The following CAMTA1 variants were observed in gnomAD, a reference collection of about 807,000 sequenced individuals.
CAMTA1 encodes calmodulin-binding transcription activator 1.
Under a neutral mutation model 170.9 loss-of-function variants are expected in CAMTA1, and 27 were observed. The ratio of observed to expected loss-of-function variants is 0.16; its 90% confidence interval spans 0.12 to 0.22. The LOEUF (loss-of-function observed/expected upper bound fraction) is 0.22, where lower values mean the gene tolerates loss of function less well. CAMTA1 is among the 10% of genes least tolerant of loss of function. The pLI is 1.00. For missense variants in CAMTA1, 1,619 were observed against 2,217.2 expected, an observed-to-expected ratio of 0.73 and a Z score of 5.42; for synonymous variants, 833 against 891.5, an observed-to-expected ratio of 0.93 and a Z score of 1.17.
At position 7,443,807 on chromosome 1, in the gene CAMTA1, C is replaced by T; in HGVS notation, c.439-24023C>T. ...CCCTCTTTTCCATTTATTTGTACCT[C>T]CTGATATCCTGTCCAGGGTCCCAAG... On this transcript the variant is annotated intron_variant, in intron 5 of 22. Coordinates refer to ENST00000303635, the MANE Select transcript of CAMTA1 (RefSeq NM_015215.4). The surrounding 1 kb of genome is among the most constrained non-coding windows in gnomAD (Gnocchi z 4.1). 6.6e-6 allele frequency among the ~76,000 whole-genome samples: 1 copy of T among 151,818 alleles called. No individual in the cohort carries two copies. Among genetic ancestry groups the T allele is most frequent in the Admixed American group, 6.6e-5 (1 of 15,242 alleles).
At chr1:7,003,430 A>C (rs1557955888) in intron 3 of CAMTA1, among the ~76,000 whole-genome samples, 1 of 152,230 alleles carries the variant, frequency 6.6e-6, no homozygotes, top group Non-Finnish European at 1.5e-5. Flanking sequence ...TGGTGGCAGC[A>C]GGGGTGCCAG....
chr1:7,399,805 C>G (rs1187543272), intron 5 of CAMTA1, among the ~76,000 whole-genome samples: 1 of 152,186 alleles, frequency 6.6e-6, no homozygotes, highest in Non-Finnish European at 1.5e-5. Flanking sequence ...ATCCCATTCT[C>G]TCCTGGTCTG....
chr1:7,680,865 C>CAGT lies in CAMTA1; in HGVS notation c.2914+3134_2914+3135insTAG, dbSNP rs1468747055. ...ACACGCGCGCGCGCGCGCGCGCCAG[C>CAGT]AGCAGCAGCAGCAGCAGCTGCTGCG... On this transcript the variant is annotated intron_variant, in intron 11 of 22. Transcript: ENST00000303635. The surrounding 1 kb of genome is among the most constrained non-coding windows in gnomAD (Gnocchi z 4.4). Among the ~76,000 whole-genome samples, 2 of 137,706 alleles carry CAGT rather than the reference C, an allele frequency of 1.5e-5. No homozygotes were observed. Among genetic ancestry groups the CAGT allele is most frequent in the African/African-American group, 2.6e-5 (1 of 38,006 alleles). The allele number at this position is 137,706 out of a possible 152,430, so 90.3% of individuals were successfully genotyped here. A position where few individuals can be genotyped will look rare whatever the true frequency, so the allele number is the denominator to read the frequency against.
intron 5 of CAMTA1, among the ~76,000 whole-genome samples, chr1:7,305,241 A>C (rs530758703): frequency 6.6e-6 from 1 of 151,982 alleles, no homozygotes; most frequent in Non-Finnish European, 1.5e-5. Flanking sequence ...TGATTGCCAC[A>C]CTCTTAATTA....
intron 5 of CAMTA1, among the ~76,000 whole-genome samples, chr1:7,344,748 C>CTTTT (rs70984076): frequency 3.5e-5 from 5 of 142,592 alleles, no homozygotes; most frequent in Non-Finnish European, 3.0e-5. Flanking sequence ...CTGCTCAAGT[C>CTTTT]TTTTTTTTTT....
intron 3 of CAMTA1, among the ~76,000 whole-genome samples, chr1:7,022,638 T>C (rs1701523940): frequency 1.3e-5 from 2 of 152,194 alleles, no homozygotes; most frequent in African/African-American, 2.4e-5. Context: ...CTCCATCTGA[T>C]TGCAGGGTAT....
intron 4 of CAMTA1, among the ~76,000 whole-genome samples, chr1:7,122,818 C>T (rs1285870101): frequency 6.6e-6 from 1 of 152,156 alleles, no homozygotes; most frequent in African/African-American, 2.4e-5. Flanking sequence ...GCCCGAGTCT[C>T]CTCTCTCCCT....
chr1:7,033,174 A>G (rs931098873), intron 3 of CAMTA1, among the ~76,000 whole-genome samples: 8 of 152,184 alleles, frequency 5.3e-5, no homozygotes, highest in Non-Finnish European at 1.5e-5. Flanking sequence ...GAACTTTTAC[A>G]TATATTAGAC....
chr1:7,429,079 C>T (rs906993012), intron 5 of CAMTA1, among the ~76,000 whole-genome samples: 41 of 152,192 alleles, frequency 2.7e-4, no homozygotes, highest in African/African-American at 9.2e-4. Context: ...ACGAAATGCT[C>T]TTCCATTTGA....
At chr1:6,915,272 C>T (rs1011878147) in intron 3 of CAMTA1, among the ~76,000 whole-genome samples, 4 of 152,148 alleles carry the variant, frequency 2.6e-5, no homozygotes, top group Non-Finnish European at 5.9e-5. Flanking sequence ...TTTTTTACTC[C>T]TTTCACTCCA....
At chr1:7,417,927 G>C (rs1367403989) in intron 5 of CAMTA1, among the ~76,000 whole-genome samples, 1 of 152,112 alleles carries the variant, frequency 6.6e-6, no homozygotes, top group Non-Finnish European at 1.5e-5. Context: ...TCCACCTAAA[G>C]CCAGCTTTTC....
intron 1 of CAMTA1, among the ~76,000 whole-genome samples, chr1:6,803,117 C>T (rs1000939967): frequency 3.9e-5 from 6 of 152,156 alleles, no homozygotes; most frequent in African/African-American, 1.2e-4. Context: ...GCGGTCTTTG[C>T]CCTGTGGGTG....
chr1:7,544,428 T>C (rs1490726367), intron 6 of CAMTA1, among the ~76,000 whole-genome samples: 3 of 152,158 alleles, frequency 2.0e-5, no homozygotes, highest in Non-Finnish European at 2.9e-5. Flanking sequence ...TGGGGAAGAC[T>C]CTTTCCCACC....
chr1:7,768,247 G>T lies in CAMTA1; in HGVS notation c.*1756G>T, dbSNP rs2097035508. On this transcript the variant is annotated 3_prime_UTR_variant, in exon 23 of 23. Transcript: ENST00000303635. ...AAAAAAAATGAAAAAGATGCAGACT[G>T]GTCTTTTAGAGACGGCATGGTATAT... 1 of 152,578 alleles carries T rather than the reference G, an allele frequency of 6.6e-6. No homozygotes were observed. Among genetic ancestry groups the T allele is most frequent in the South Asian group, 2.1e-4 (1 of 4,820 alleles). The allele number at this position is 152,578 out of a possible 1,614,324, so 9.5% of individuals were successfully genotyped here. A position where few individuals can be genotyped will look rare whatever the true frequency, so the allele number is the denominator to read the frequency against.
chr1:7,079,447 A>G (rs886170916), intron 3 of CAMTA1, among the ~76,000 whole-genome samples: 2 of 151,800 alleles, frequency 1.3e-5, no homozygotes, highest in African/African-American at 4.9e-5. Flanking sequence ...CAGTATGATC[A>G]GATTTCTTCA....
In CAMTA1 at chr1:6,973,286, C is replaced by T. The variant is rs555509909; in HGVS notation, c.235-118018C>T. On this transcript the variant is annotated intron_variant, in intron 3 of 22. Coordinates refer to ENST00000303635, the MANE Select transcript of CAMTA1 (RefSeq NM_015215.4). Reference sequence around the variant, plus strand: ...TTGAACATCAACTCCCTATTTCCTCCCCCATCTAGCTCCTGACAACCACCA... The same window carrying T: ...TTGAACATCAACTCCCTATTTCCTCTCCCATCTAGCTCCTGACAACCACCA... 4.6e-5 allele frequency among the ~76,000 whole-genome samples: 7 copies of T among 152,302 alleles called. No homozygotes were observed. The South Asian group carries it at 1.5e-3, about 32-fold the overall frequency.
chr1:7,536,678 A>ATGG (rs533567640), intron 6 of CAMTA1, among the ~76,000 whole-genome samples: 177 of 152,252 alleles, frequency 1.2e-3, no homozygotes, highest in African/African-American at 3.4e-3. Context: ...GGCTGCCTCC[A>ATGG]TGGTGCACTG....
intron 4 of CAMTA1, among the ~76,000 whole-genome samples, chr1:7,128,716 A>G (rs1383418738): frequency 1.3e-5 from 2 of 150,306 alleles, no homozygotes. Flanking sequence ...GTGCAGTGGC[A>G]CGATCTCAGC....
At chr1:7,206,862 C>G (rs1406951538) in intron 4 of CAMTA1, among the ~76,000 whole-genome samples, 2 of 152,112 alleles carry the variant, frequency 1.3e-5, no homozygotes, top group African/African-American at 4.8e-5. Flanking sequence ...CTCTTAAGTC[C>G]TTGGTTTCCA....
Sources: gnomAD v4.1 joint callset for allele counts (sites outside exome capture counted in the v4.1 genomes callset) on GRCh38, gnomAD v4.1.1 for gene constraint, Gnocchi (gnomAD v3.1) non-coding constraint, MANE v1.5 for transcripts, NCBI Gene and HGNC (gene_info 2026-07-23, HGNC 2026-07-21) for gene names.